The following DMXL1 variants were observed in gnomAD, a reference collection of about 807,000 sequenced individuals.
DMXL1 encodes dmX-like protein 1.
A neutral mutation model predicts 319.2 loss-of-function variants in DMXL1; 99 were observed. That is an observed-to-expected ratio of 0.31 (90% CI 0.26 to 0.37). The LOEUF is 0.37. DMXL1 is among the 10% of genes least tolerant of loss of function. The pLI is 1.00. For missense variants in DMXL1, 3,745 were observed against 3,595.6 expected (o/e 1.04, Z -1.06); for synonymous variants, 1,385 against 1,235.2 (o/e 1.12, Z -2.54).
At chr5:119,156,591 C>T (rs1771121033) in intron 19 of DMXL1, among the ~76,000 whole-genome samples, 4 of 152,190 alleles carry the variant, frequency 2.6e-5, no homozygotes, top group African/African-American at 7.2e-5. Context: ...ACTGATTTCA[C>T]ATCCTTTGAC....
rs1250678566 is a variant in DMXL1 at position 119,177,465 on chromosome 5, G to A, written c.6867G>A (p.Thr2289=). Residue 2289 remains threonine, a synonymous_variant, in exon 27 of 44, where the codon ACG becomes ACA. Transcript: ENST00000539542. ...GSLDEALTPN[T]SPAQWPGITC... Reference sequence around the variant, plus strand: ...TAGATGAAGCATTAACTCCCAATACGTCACCAGCTCAATGGCCAGGTATAA... The same window carrying A: ...TAGATGAAGCATTAACTCCCAATACATCACCAGCTCAATGGCCAGGTATAA... 5.6e-6 allele frequency: 9 copies of A among 1,605,658 alleles called. No homozygotes were observed. Among genetic ancestry groups the A allele is most frequent in the Admixed American group, 3.4e-5 (2 of 58,842 alleles).
At position 119,089,999 on chromosome 5, in the gene DMXL1, C is replaced by CTTTTTTTTTTTTTT. The variant is rs70982467; in HGVS notation, c.88-7955_88-7942dup. On this transcript the variant is annotated intron_variant, in intron 1 of 43. Coordinates refer to ENST00000539542, the MANE Select transcript of DMXL1 (RefSeq NM_001290321.3). ...TGATTATTTTATGCTTCGGGTTAGT[C>CTTTTTTTTTTTTTT]TTTTTTTTTTTTTTTTTTTTTTTTT... is the stretch of plus-strand genomic sequence containing the variant. Among the ~76,000 whole-genome samples the CTTTTTTTTTTTTTT allele has an allele frequency of 1.1e-3, 37 of 34,402 alleles. 13 individuals are homozygous for CTTTTTTTTTTTTTT. The highest frequency in any genetic ancestry group is 3.0e-3 in the East Asian group (2 of 656). The allele number at this position is 34,402 out of a possible 152,430, so 22.6% of individuals were successfully genotyped here.
intron 28 of DMXL1, among the ~76,000 whole-genome samples, chr5:119,182,830 G>T (rs549699550): frequency 9.2e-5 from 14 of 152,126 alleles, no homozygotes; most frequent in Admixed American, 7.8e-4. Flanking sequence ...GAATTGTTTT[G>T]TTATGGTCAA....
Position 119,121,207 on chromosome 5 carries a change from A to G in DMXL1, c.1102+68A>G, listed in dbSNP as rs1761972851. 2.2e-6 allele frequency: 3 copies of G among 1,335,622 alleles called. No homozygotes were observed. In the South Asian group the frequency reaches 5.7e-5, roughly 25 times the overall value. The allele number at this position is 1,335,622 out of a possible 1,614,324, so 82.7% of individuals were successfully genotyped here. ...ATTGATTTTATAACAACTAAGTTAT[A>G]CTTTTAGTTTTCAAATAAGTAAAAT... On this transcript the variant is annotated intron_variant, in intron 9 of 43. Coordinates refer to ENST00000539542, the MANE Select transcript of DMXL1 (RefSeq NM_001290321.3).
chr5:119,235,615 G>C (rs911037943), intron 39 of DMXL1, among the ~76,000 whole-genome samples: 6 of 152,128 alleles, frequency 3.9e-5, no homozygotes, highest in African/African-American at 1.4e-4. Flanking sequence ...GGCCTACCAA[G>C]TATTGAGAAG....
At chr5:119,142,227 A>G (rs1201214763) in intron 13 of DMXL1, among the ~76,000 whole-genome samples, 1 of 152,146 alleles carries the variant, frequency 6.6e-6, no homozygotes, top group African/African-American at 2.4e-5. Context: ...CAAAGACATC[A>G]AAAGCAATCA....
intron 1 of DMXL1, among the ~76,000 whole-genome samples, chr5:119,084,793 G>A (rs112491606): frequency 0.032 from 4,890 of 151,708 alleles, 250 homozygotes; most frequent in African/African-American, 0.11. Flanking sequence ...GAACCTGGGA[G>A]GTGGAGGTTG....
chr5:119,187,952 A>C (rs990798806), intron 28 of DMXL1, among the ~76,000 whole-genome samples: 4 of 152,186 alleles, frequency 2.6e-5, no homozygotes, highest in African/African-American at 9.6e-5. Flanking sequence ...CACCGCACCC[A>C]GCCAAAAAGT....
Position 119,095,803 on chromosome 5 carries a change from A to G in DMXL1, c.88-2176A>G, listed in dbSNP as rs545790937. On this transcript the variant is annotated intron_variant, in intron 1 of 43. Transcript: ENST00000539542. ...TTATGACAAGCCTTATGATCCCATC[A>G]TGGATATTTATATAGGAGAGGAGAT... 3.9e-5 allele frequency among the ~76,000 whole-genome samples: 6 copies of G among 152,352 alleles called. No homozygotes were observed. The East Asian group carries it at 1.2e-3, about 29-fold the overall frequency.
At chr5:119,153,448 G>A (rs1271929675) in intron 19 of DMXL1, among the ~76,000 whole-genome samples, 1 of 152,094 alleles carries the variant, frequency 6.6e-6, no homozygotes, top group Non-Finnish European at 1.5e-5. Context: ...TATTTGAAAT[G>A]TACTCTCTTA....
At chr5:119,127,349 C>CTTT (rs371183556) in intron 9 of DMXL1, 145 of 135,114 alleles carry the variant, frequency 1.1e-3, no homozygotes, top group African/African-American at 3.7e-3. Flanking sequence ...GTCCTTTATC[C>CTTT]TTTTTTTTTT....
At chr5:119,084,379 C>T (rs924991305) in intron 1 of DMXL1, among the ~76,000 whole-genome samples, 2 of 152,182 alleles carry the variant, frequency 1.3e-5, no homozygotes, top group African/African-American at 4.8e-5. Context: ...CTCAGCCTCC[C>T]AAAATGTTGG....
intron 32 of DMXL1, among the ~76,000 whole-genome samples, chr5:119,201,637 A>G (rs1342791113): frequency 6.6e-6 from 1 of 152,198 alleles, no homozygotes; most frequent in Admixed American, 6.5e-5. Context: ...TAGTTTTAGT[A>G]TGAATGGTAC....
At chr5:119,217,364 A>G (rs1256330590) in intron 35 of DMXL1, among the ~76,000 whole-genome samples, 2 of 152,256 alleles carry the variant, frequency 1.3e-5, no homozygotes, top group Admixed American at 6.5e-5. Flanking sequence ...ATGTGACTCA[A>G]ATTCTCCCTC....
In DMXL1 at chr5:119,166,606, T is replaced by C. The variant is rs1773495702; in HGVS notation, c.4971-10T>C. The C allele has an allele frequency of 6.3e-7, 1 of 1,577,444 alleles. No homozygotes were observed. The highest frequency in any genetic ancestry group is 1.2e-5 in the South Asian group (1 of 82,754). ...TCCAAAATTTTCACACCATTTTTTT[T>C]CCTTTATAGAGCTGAAAAAAACACC... On this transcript the variant is annotated splice_polypyrimidine_tract_variant and intron_variant, in intron 21 of 43. Coordinates refer to ENST00000539542, the MANE Select transcript of DMXL1 (RefSeq NM_001290321.3).
Position 119,196,431 on chromosome 5 carries a change from TC to T in DMXL1, c.7521del (p.Phe2508SerfsTer20), listed in dbSNP as rs1158645963. On this transcript the variant is annotated frameshift_variant, in exon 31 of 44. Coordinates refer to ENST00000539542, the MANE Select transcript of DMXL1 (RefSeq NM_001290321.3). LOFTEE classifies it high-confidence loss of function. ...LVLNNLKTFY[P>X]FAGHDLAELP... ...TGCTCAACAATTTGAAGACTTTTTATCCCTTCGCAGGTCATGATCTTGCAGG... is the reference window on the plus strand; with the variant it reads ...TGCTCAACAATTTGAAGACTTTTTATCCTTCGCAGGTCATGATCTTGCAGG... 1 of 1,613,170 alleles carries T rather than the reference TC, an allele frequency of 6.2e-7. No individual in the cohort carries two copies. Among genetic ancestry groups the T allele is most frequent in the Non-Finnish European group, 8.5e-7 (1 of 1,179,490 alleles).
chr5:119,175,925 T>C (rs1775711345), intron 26 of DMXL1, among the ~76,000 whole-genome samples: 1 of 152,124 alleles, frequency 6.6e-6, no homozygotes, highest in Admixed American at 6.5e-5. Flanking sequence ...TGAAGTACTC[T>C]ATTTCTTCAA....
intron 1 of DMXL1, among the ~76,000 whole-genome samples, chr5:119,089,292 ATTTTTTTTTTTT>A (rs1157921856): frequency 4.0e-4 from 16 of 39,884 alleles, no homozygotes; most frequent in African/African-American, 8.4e-4. Flanking sequence ...ATATATATAT[ATTTTTTTTTTTT>A]TTTTTTTTTT....
chr5:119,089,838 C>A (rs1056721352), intron 1 of DMXL1, among the ~76,000 whole-genome samples: 4 of 151,320 alleles, frequency 2.6e-5, no homozygotes, highest in Non-Finnish European at 4.4e-5. Context: ...GTTGGTCAGG[C>A]TGGTCTTGAA....
Sources: allele counts gnomAD v4.1 joint callset (sites outside exome capture counted in the v4.1 genomes callset), GRCh38; gene constraint gnomAD v4.1.1; transcripts MANE v1.5; gene names NCBI Gene and HGNC (gene_info 2026-07-23, HGNC 2026-07-21).